The following PECR variants were observed in gnomAD, a reference collection of about 807,000 sequenced individuals.
PECR encodes 2,4-dienoyl-CoA reductase-related protein.
PECR carries 30 observed loss-of-function variants against 35.3 expected under a neutral mutation model. That is an observed-to-expected ratio of 0.85 (90% CI 0.64 to 1.15). The LOEUF is 1.15. Ranked by LOEUF, PECR falls within the 50% of genes most tolerant of loss-of-function variation. The pLI is 0.00. For synonymous variants in PECR, 148 were observed against 138.9 expected, an observed-to-expected ratio of 1.07 and a Z score of -0.46; for missense variants, 392 against 370.8, an observed-to-expected ratio of 1.06 and a Z score of -0.47.
At chr2:216,066,309 G>T in intron 2 of PECR, 76 bp downstream of exon 2, 3 of 1,256,492 alleles carry the variant, frequency 2.4e-6, no homozygotes, top group Non-Finnish European at 3.5e-6. Context: ...AGGAGAACCT[G>T]AAGCATAGCC....
chr2:216,080,287 G>C (rs1307090477), intron 1 of PECR, among the ~76,000 whole-genome samples: 1 of 152,044 alleles, frequency 6.6e-6, no homozygotes, highest in African/African-American at 2.4e-5. Flanking sequence ...TGTTGGCCAG[G>C]CTGGTCTCAA....
intron 7 of PECR, among the ~76,000 whole-genome samples, chr2:216,033,216 C>T (rs1694737103): frequency 6.6e-6 from 1 of 152,138 alleles, no homozygotes; most frequent in African/African-American, 2.4e-5. Context: ...TCTCATTTCA[C>T]CAACCCCCCT....
chr2:216,058,693 ATCTGG>A (rs1695276754), intron 4 of PECR, among the ~76,000 whole-genome samples, 197 bp downstream of exon 4: 1 of 152,156 alleles, frequency 6.6e-6, no homozygotes, highest in African/African-American at 2.4e-5. Context: ...TCCTTGGTAA[ATCTGG>A]CAGTCCGCAT....
chr2:216,071,173 C>G (rs1383811406), intron 1 of PECR, among the ~76,000 whole-genome samples: 2 of 152,234 alleles, frequency 1.3e-5, no homozygotes, highest in African/African-American at 4.8e-5. Context: ...AGGGCACCCA[C>G]ACAGTTTGTT....
chr2:216,061,334 AAAAAAAAAAG>A (rs1251249801), intron 3 of PECR, among the ~76,000 whole-genome samples: 2,324 of 146,578 alleles, frequency 0.016, 28 homozygotes, highest in Non-Finnish European at 0.027. Context: ...AAAAAAAAAA[AAAAAAAAAAG>A]GAACCTAAAC....
At chr2:216,072,196 C>T (rs944428676) in intron 1 of PECR, among the ~76,000 whole-genome samples, 3 of 152,150 alleles carry the variant, frequency 2.0e-5, no homozygotes, top group South Asian at 2.1e-4. Context: ...ACAGTCTGCT[C>T]CACTCACTGT....
At chr2:216,071,025 T>C (rs1194411771) in intron 1 of PECR, among the ~76,000 whole-genome samples, 1 of 152,216 alleles carries the variant, frequency 6.6e-6, no homozygotes, top group African/African-American at 2.4e-5. Context: ...TTTGAATTAA[T>C]TGAGACAGGT....
At position 216,038,937 on chromosome 2, in the gene PECR, A is replaced by G. The variant is rs969601279; in HGVS notation, c.*338T>C. The G allele has an allele frequency of 7.1e-5, 20 of 280,000 alleles. No individual in the cohort carries two copies. The highest frequency in any genetic ancestry group is 1.4e-5 in the Non-Finnish European group (2 of 144,334). The allele number at this position is 280,000 out of a possible 1,614,324, so 17.3% of individuals were successfully genotyped here. A position where few individuals can be genotyped will look rare whatever the true frequency, so the allele number is the denominator to read the frequency against. On this transcript the variant is annotated 3_prime_UTR_variant, in exon 8 of 8. Coordinates refer to ENST00000265322, the MANE Select transcript of PECR (RefSeq NM_018441.6). ...ACTGCGTCTGGCCTCTACCTTTACAATTAAATAATAAAATCTTCTGGGAGT... is the reference window on the plus strand; with the variant it reads ...ACTGCGTCTGGCCTCTACCTTTACAGTTAAATAATAAAATCTTCTGGGAGT...
downstream of PECR, among the ~76,000 whole-genome samples, chr2:216,036,894 A>C (rs781276588): frequency 1.7e-4 from 26 of 152,212 alleles, no homozygotes; most frequent in Non-Finnish European, 2.9e-4. Context: ...CATCTTTATC[A>C]ACAAACTCTT....
rs1304380505 is a variant in PECR at position 216,081,762 on chromosome 2, G to C, written c.-21C>G. ...GCCATCCCTGCAGCGGGGTGCCAGA[G>C]CAGCTGAGCGCAGGCCCTTCTGGGT... On this transcript the variant is annotated 5_prime_UTR_variant, in exon 1 of 8. Transcript: ENST00000265322. 2 of 1,611,030 alleles carry C rather than the reference G, an allele frequency of 1.2e-6. No individual in the cohort carries two copies. The highest frequency in any genetic ancestry group is 3.3e-5 in the Admixed American group (2 of 59,888).
chr2:216,044,147 C>A, intron 6 of PECR, 132 bp from the exon 7 acceptor site: 1 of 675,416 alleles, frequency 1.5e-6, no homozygotes, highest in Non-Finnish European at 2.8e-6. Flanking sequence ...GCATGTGCAC[C>A]ACAACCTCAC....
intron 7 of PECR, among the ~76,000 whole-genome samples, chr2:216,031,768 C>T (rs893578238): frequency 6.6e-6 from 1 of 152,060 alleles, no homozygotes; most frequent in African/African-American, 2.4e-5. Context: ...CCCTAATGTC[C>T]ATACCAGCCT....
chr2:216,053,236 ATTTTG>A (rs149907098), intron 4 of PECR, among the ~76,000 whole-genome samples: 4,882 of 149,816 alleles, frequency 0.033, 266 homozygotes, highest in African/African-American at 0.11. Flanking sequence ...ATCTGTTCTG[ATTTTG>A]TTTTGTTTTG....
At position 216,072,446 on chromosome 2, in the gene PECR, G is replaced by A. The variant is rs559552392; in HGVS notation, c.125-5928C>T. Among the ~76,000 whole-genome samples, 4 of 152,188 alleles carry A rather than the reference G, an allele frequency of 2.6e-5. No homozygotes were observed. In the South Asian group the frequency reaches 6.2e-4, roughly 24 times the overall value. On this transcript the variant is annotated intron_variant, in intron 1 of 7. Transcript: ENST00000265322. ...GACAAGTGTAGTTTTGTTACATGGG[G>A]CTTTTAGTGTATCCATCACCTGAAT...
At chr2:216,062,018 A>G (rs1446015895) in intron 3 of PECR, among the ~76,000 whole-genome samples, 1 of 151,288 alleles carries the variant, frequency 6.6e-6, no homozygotes, top group Non-Finnish European at 1.5e-5. Context: ...AGAGAAAGAG[A>G]GATCATGTAA....
At chr2:216,064,843 C>T (rs1009707185) in intron 3 of PECR, among the ~76,000 whole-genome samples, 11 of 152,150 alleles carry the variant, frequency 7.2e-5, no homozygotes, top group African/African-American at 2.4e-4. Flanking sequence ...TTGAGTTACC[C>T]AACTCAGGAG....
At chr2:216,063,892 T>A (rs1695411143) in intron 3 of PECR, 1 of 152,062 alleles carries the variant, frequency 6.6e-6, no homozygotes, top group African/African-American at 2.4e-5. Context: ...TTTTTTCTTT[T>A]TTTTTGTATC....
chr2:216,048,187 G>C lies in PECR; in HGVS notation c.714+1076C>G, dbSNP rs553463817. Among the ~76,000 whole-genome samples the C allele has an allele frequency of 5.6e-4, 85 of 151,822 alleles. 1 individual carries two copies. The East Asian group carries it at 0.012, about 22-fold the overall frequency. ...CCTCCCGGGTTCACACCATTCTCCTGCCTCAGCCTCCCCAGTAGCTGGGAC... is the reference window on the plus strand; with the variant it reads ...CCTCCCGGGTTCACACCATTCTCCTCCCTCAGCCTCCCCAGTAGCTGGGAC... On this transcript the variant is annotated intron_variant, in intron 6 of 7. Transcript: ENST00000265322.
intron 5 of PECR, among the ~76,000 whole-genome samples, chr2:216,049,604 T>A (rs1378964004): frequency 6.6e-6 from 1 of 152,152 alleles, no homozygotes; most frequent in East Asian, 1.9e-4. Flanking sequence ...CTCCTAACCA[T>A]GCCCTGGATT....
Sources: gnomAD v4.1 joint callset for allele counts (sites outside exome capture counted in the v4.1 genomes callset) on GRCh38, gnomAD v4.1.1 for gene constraint, MANE v1.5 for transcripts, NCBI Gene and HGNC (gene_info 2026-07-23, HGNC 2026-07-21) for gene names.